The following ARRDC4 variants were observed in gnomAD, a reference collection of about 807,000 sequenced individuals.
ARRDC4 encodes arrestin domain containing 4.
In ARRDC4, 40 loss-of-function variants were observed where a neutral mutation model predicts 44.6. The observed-to-expected ratio is 0.90, with a 90% confidence interval of 0.70 to 1.17. ARRDC4 has a LOEUF of 1.17. Among genes scored for constraint, ARRDC4 ranks in the 50% most tolerant of loss-of-function variants. ARRDC4 has a pLI of 0.00. For missense variants in ARRDC4, 550 were observed against 559.1 expected (o/e 0.98, Z 0.16); for synonymous variants, 211 against 221.2 (o/e 0.95, Z 0.41).
rs1323056876 is a variant in ARRDC4, at chr15:97,967,395, TATAGA to T, written c.523-610_523-606del. ...ATCTTGTAGTAACTTCTCTTGCCAC[TATAGA>T]ATAGAATACTGCAGTGAGAGGGTAT... On this transcript the variant is annotated intron_variant, in intron 3 of 7. Transcript: ENST00000268042. This position sits in a 1 kb window ranked among gnomAD's most constrained non-coding sequence, Gnocchi z 5.0. Among the ~76,000 whole-genome samples, 3 of 152,186 alleles carry T rather than the reference TATAGA, an allele frequency of 2.0e-5. No individual in the cohort carries two copies. The highest frequency in any genetic ancestry group is 6.5e-5 in the Admixed American group (1 of 15,272).
chr15:97,968,255 A>G lies in ARRDC4; in HGVS notation c.625+139A>G. 1 of 426,984 alleles carries G rather than the reference A, an allele frequency of 2.3e-6. No individual in the cohort carries two copies. The allele number at this position is 426,984 out of a possible 1,614,324, so 26.4% of individuals were successfully genotyped here. A position where few individuals can be genotyped will look rare whatever the true frequency, so the allele number is the denominator to read the frequency against. ...ACATGAATAGTGATACATTTTTTAT[A>G]TAAATAATTGATATTTAAGTATTTT... is the stretch of plus-strand genomic sequence containing the variant. On this transcript the variant is annotated intron_variant, in intron 4 of 7. Coordinates refer to ENST00000268042, the MANE Select transcript of ARRDC4 (RefSeq NM_183376.3). The surrounding 1 kb of genome is among the most constrained non-coding windows in gnomAD (Gnocchi z 5.4).
chr15:97,969,163 C>T lies in ARRDC4; in HGVS notation c.666C>T (p.Ser222=). 3 of 1,613,836 alleles carry T rather than the reference C, an allele frequency of 1.9e-6. No homozygotes were observed. Among genetic ancestry groups the T allele is most frequent in the Non-Finnish European group, 2.5e-6 (3 of 1,179,830 alleles). ...TCTATGCAGAAATAGAAAATTGTTC[C>T]TCTCGTCTGATTGTTCCAAAGGCTG... The part of the protein sequence containing the change: ...IPIYAEIENC[S]SRLIVPKAAI... The change falls in exon 5 of 8, where the codon TCC becomes TCT. Residue 222 remains serine (S), a synonymous_variant. Coordinates refer to ENST00000268042, the MANE Select transcript of ARRDC4 (RefSeq NM_183376.3).
chr15:97,970,773 T>C lies in ARRDC4; in HGVS notation c.1200+30T>C, dbSNP rs1370780115. 6.3e-7 allele frequency: 1 copy of C among 1,592,698 alleles called. No homozygotes were observed. Among genetic ancestry groups the C allele is most frequent in the Non-Finnish European group, 8.6e-7 (1 of 1,166,356 alleles). On this transcript the variant is annotated intron_variant, in intron 7 of 7. Coordinates refer to ENST00000268042, the MANE Select transcript of ARRDC4 (RefSeq NM_183376.3). The surrounding 1 kb of genome is among the most constrained non-coding windows in gnomAD (Gnocchi z 4.2). ...GCAAAGCAAAAGAAAATTAGACTTT[T>C]ACTGTATTATTTTCAAATAATCATT...
chr15:97,968,375 A>C lies in ARRDC4; in HGVS notation c.625+259A>C, dbSNP rs1899454418. Among the ~76,000 whole-genome samples, 1 of 152,164 alleles carries C rather than the reference A, an allele frequency of 6.6e-6. No homozygotes were observed. The highest frequency in any genetic ancestry group is 2.4e-5 in the African/African-American group (1 of 41,438). On this transcript the variant is annotated intron_variant, in intron 4 of 7. Coordinates refer to ENST00000268042, the MANE Select transcript of ARRDC4 (RefSeq NM_183376.3). This position sits in a 1 kb window ranked among gnomAD's most constrained non-coding sequence, Gnocchi z 5.4. ...AAAGAGTATAACTAGAGGAATGAGA[A>C]AATGCCAGCATCTGATTTTAATGTT...
chr15:97,969,602 G>A (rs1405114785), intron 5 of ARRDC4, among the ~76,000 whole-genome samples: 1 of 152,124 alleles, frequency 6.6e-6, no homozygotes. Flanking sequence ...AGGGGTGTTT[G>A]TTATATTGAA....
Position 97,970,467 on chromosome 15 carries a change from TAGAGGG to T in ARRDC4, c.1046-120_1046-115del. ...GTAATATGCATAAAACCTTGCTGAT[TAGAGGG>T]AAAGAATGCCATATTTTTTATCTTC... On this transcript the variant is annotated intron_variant, in intron 6 of 7. Coordinates refer to ENST00000268042, the MANE Select transcript of ARRDC4 (RefSeq NM_183376.3). The surrounding 1 kb of genome is among the most constrained non-coding windows in gnomAD (Gnocchi z 4.2). The T allele has an allele frequency of 9.8e-7, 1 of 1,017,504 alleles. No homozygotes were observed. Among genetic ancestry groups the T allele is most frequent in the Non-Finnish European group, 1.4e-6 (1 of 707,890 alleles). The allele number at this position is 1,017,504 out of a possible 1,614,324, so 63.0% of individuals were successfully genotyped here.
At position 97,967,943 on chromosome 15, in the gene ARRDC4, T is replaced by A; in HGVS notation, c.523-71T>A. On this transcript the variant is annotated intron_variant, in intron 3 of 7. Transcript: ENST00000268042. The surrounding 1 kb of genome is among the most constrained non-coding windows in gnomAD (Gnocchi z 5.0). Reference sequence around the variant, plus strand: ...CTTACAACCATTCTGTGAAGATAGATATAATTTTAAGTTCTATGAGTTCTC... The same window carrying A: ...CTTACAACCATTCTGTGAAGATAGAAATAATTTTAAGTTCTATGAGTTCTC... The A allele has an allele frequency of 1.1e-6, 1 of 935,610 alleles. No individual in the cohort carries two copies. The highest frequency in any genetic ancestry group is 1.6e-6 in the Non-Finnish European group (1 of 626,086). The allele number at this position is 935,610 out of a possible 1,614,324, so 58.0% of individuals were successfully genotyped here. A position where few individuals can be genotyped will look rare whatever the true frequency, so the allele number is the denominator to read the frequency against.
Position 97,961,081 on chromosome 15 carries a change from C to A in ARRDC4, c.220C>A (p.Arg74Ser), listed in dbSNP as rs1473861798. ...TAAWGPSTCPRASASTAALAV... is the reference protein window; with the variant it reads ...TAAWGPSTCPSASASTAALAV... ...CGCCTGGGGCCCGAGCACCTGCCCC[C>A]GCGCCTCGGCCAGCACCGCGGCCCT... The change falls in exon 1 of 8, where the codon CGC becomes AGC. Residue 74 changes from arginine to serine, a missense_variant. Arg to Ser is a moderately radical substitution (Grantham distance 110, BLOSUM62 -1). Transcript: ENST00000268042. 10 of 1,436,972 alleles carry A rather than the reference C, an allele frequency of 7.0e-6. No individual in the cohort carries two copies. The highest frequency in any genetic ancestry group is 4.5e-5 in the African/African-American group (3 of 66,906). 89.0% of individuals were successfully genotyped at this position (1,436,972 alleles called of 1,614,324 possible).
intron 1 of ARRDC4, among the ~76,000 whole-genome samples, chr15:97,964,964 A>C (rs1176973366): frequency 6.6e-6 from 1 of 152,068 alleles, no homozygotes; most frequent in East Asian, 1.9e-4. Flanking sequence ...CGTTAGTATA[A>C]TAGAATGGGG....
At position 97,970,813 on chromosome 15, in the gene ARRDC4, C is replaced by T. The variant is rs2141537235; in HGVS notation, c.1200+70C>T. The T allele has an allele frequency of 6.7e-7, 1 of 1,491,470 alleles. No homozygotes were observed. Among genetic ancestry groups the T allele is most frequent in the Non-Finnish European group, 9.2e-7 (1 of 1,088,288 alleles). 92.4% of individuals were successfully genotyped at this position (1,491,470 alleles called of 1,614,324 possible). On this transcript the variant is annotated intron_variant, in intron 7 of 7. Transcript: ENST00000268042. The surrounding 1 kb of genome is among the most constrained non-coding windows in gnomAD (Gnocchi z 4.2). Reference sequence around the variant, plus strand: ...AAATAATCATTTTTTGTCATCCGTTCATTAGAGTGTCTGTTGCTGACTCAT... The same window carrying T: ...AAATAATCATTTTTTGTCATCCGTTTATTAGAGTGTCTGTTGCTGACTCAT...
At chr15:97,969,402 A>G (rs773956518) in intron 5 of ARRDC4, 23 bp downstream of exon 5, 17 of 1,609,090 alleles carry the variant, frequency 1.1e-5, no homozygotes, top group African/African-American at 1.3e-5. Flanking sequence ...CTTTTTTAAA[A>G]AAAAATGTGT....
intron 5 of ARRDC4, 64 bp from the exon 6 acceptor site, chr15:97,969,819 T>C: frequency 7.1e-7 from 1 of 1,410,874 alleles, no homozygotes; most frequent in Non-Finnish European, 9.6e-7. Context: ...TTAATTGGGC[T>C]ACCTACTGGA....
Position 97,966,097 on chromosome 15 carries a change from CTTCCT to C in ARRDC4, c.522+59_522+63del, listed in dbSNP as rs1397986021. 55 of 1,578,012 alleles carry C rather than the reference CTTCCT, an allele frequency of 3.5e-5. No individual in the cohort carries two copies. Among genetic ancestry groups the C allele is most frequent in the Middle Eastern group, 1.7e-4 (1 of 6,010 alleles). On this transcript the variant is annotated intron_variant, in intron 3 of 7. Transcript: ENST00000268042. The surrounding 1 kb of genome is among the most constrained non-coding windows in gnomAD (Gnocchi z 4.7). The stretch of plus-strand genomic sequence containing the variant: ...CTTTTCCTCCTTCCCTCCCTTCCTC[CTTCCT>C]TTCAACAGTGGGATCTATATTTAGC...
chr15:97,966,009 T>C lies in ARRDC4; in HGVS notation c.489T>C (p.Val163=), dbSNP rs1899414457. The part of the protein sequence containing the change: ...DQSVKRELQV[V]SHVDVNTPAL... ...GTGTAAAGCGGGAACTCCAGGTTGT[T>C]AGTCATGTCGATGTCAACACACCAG... is the stretch of plus-strand genomic sequence containing the variant. Residue 163 remains valine, a synonymous_variant, in exon 3 of 8, where the codon GTT becomes GTC. Coordinates refer to ENST00000268042, the MANE Select transcript of ARRDC4 (RefSeq NM_183376.3). This position sits in a 1 kb window ranked among gnomAD's most constrained non-coding sequence, Gnocchi z 4.7. 3.7e-6 allele frequency: 6 copies of C among 1,614,182 alleles called. No individual in the cohort carries two copies. Among genetic ancestry groups the C allele is most frequent in the South Asian group, 3.3e-5 (3 of 91,078 alleles).
chr15:97,969,378 C>G lies in ARRDC4; in HGVS notation c.881C>G (p.Ala294Gly). 6.3e-7 allele frequency: 1 copy of G among 1,593,926 alleles called. No homozygotes were observed. The highest frequency in any genetic ancestry group is 8.5e-7 in the Non-Finnish European group (1 of 1,173,502). ...CCIIRVDYSL[A>G]VYIHIPGAKK... The stretch of plus-strand genomic sequence containing the variant: ...ATTATCAGAGTGGACTATTCCTTAG[C>G]TGTAAGCAAAGCTCTTTTTTAAAAA... The change falls in exon 5 of 8, where the codon GCT becomes GGT. Residue 294 changes from alanine to glycine, a missense_variant and splice_region_variant. Coordinates refer to ENST00000268042, the MANE Select transcript of ARRDC4 (RefSeq NM_183376.3).
At position 97,969,946 on chromosome 15, in the gene ARRDC4, A is replaced by G. The variant is rs1899481362; in HGVS notation, c.946A>G (p.Ile316Val). 1.2e-6 allele frequency: 2 copies of G among 1,612,554 alleles called. No individual in the cohort carries two copies. Among genetic ancestry groups the G allele is most frequent in the East Asian group, 4.5e-5 (2 of 44,868 alleles). ...MLELPLVIGT[I>V]PYNGFGSRNS... ...CGAACTGCCATTAGTGATCGGTACA[A>G]TTCCATATAATGGTTTTGGCAGCAG... The change falls in exon 6 of 8, where the codon ATT (isoleucine) becomes GTT (valine). Residue 316 changes from isoleucine (I) to valine (V), a missense_variant. Coordinates refer to ENST00000268042, the MANE Select transcript of ARRDC4 (RefSeq NM_183376.3).
intron 1 of ARRDC4, among the ~76,000 whole-genome samples, chr15:97,964,992 TTACA>T (rs1268556384): frequency 4.0e-4 from 55 of 136,302 alleles, no homozygotes; most frequent in Middle Eastern, 7.0e-3. Context: ...GTTGTGATTT[TTACA>T]TACACACACA....
Position 97,970,513 on chromosome 15 carries a change from C to T in ARRDC4, c.1046-76C>T, listed in dbSNP as rs536723732. 139 of 1,454,450 alleles carry T rather than the reference C, an allele frequency of 9.6e-5. No homozygotes were observed. In the South Asian group the frequency reaches 1.5e-3, roughly 16 times the overall value. 90.1% of individuals were successfully genotyped at this position (1,454,450 alleles called of 1,614,324 possible). A position where few individuals can be genotyped will look rare whatever the true frequency, so the allele number is the denominator to read the frequency against. ...TTTTTATCTTCAAGTTTAGCTGTTT[C>T]TTGTTTTTGTAGCAGTTAAGAATCG... On this transcript the variant is annotated intron_variant, in intron 6 of 7. Transcript: ENST00000268042. This position sits in a 1 kb window ranked among gnomAD's most constrained non-coding sequence, Gnocchi z 4.2.
At position 97,971,255 on chromosome 15, in the gene ARRDC4, G is replaced by C; in HGVS notation, c.*68G>C. On this transcript the variant is annotated 3_prime_UTR_variant, in exon 8 of 8. Coordinates refer to ENST00000268042, the MANE Select transcript of ARRDC4 (RefSeq NM_183376.3). Reference sequence around the variant, plus strand: ...TTGGTTCTTTTCCTTCTGCCTTTTTGGGAAAGAGACAGGAAAGATTCACTT... The same window carrying C: ...TTGGTTCTTTTCCTTCTGCCTTTTTCGGAAAGAGACAGGAAAGATTCACTT... The C allele has an allele frequency of 6.8e-7, 1 of 1,463,392 alleles. No homozygotes were observed. The highest frequency in any genetic ancestry group is 1.7e-5 in the Admixed American group (1 of 58,872). The allele number at this position is 1,463,392 out of a possible 1,614,324, so 90.7% of individuals were successfully genotyped here.
Sources: gnomAD v4.1 joint callset for allele counts (sites outside exome capture counted in the v4.1 genomes callset) on GRCh38, gnomAD v4.1.1 for gene constraint, Gnocchi (gnomAD v3.1) non-coding constraint, MANE v1.5 for transcripts, NCBI Gene and HGNC (gene_info 2026-07-23, HGNC 2026-07-21) for gene names.